Variants in STK3 observed in about 807,000 individuals in gnomAD.
STK3 encodes serine/threonine kinase 3.
Under a neutral mutation model 58.0 loss-of-function variants are expected in STK3, and 41 were observed. That is an observed-to-expected ratio of 0.71 (90% confidence interval 0.55 to 0.92). The LOEUF is 0.92. STK3 is among the 40% of genes least tolerant of loss of function. STK3 has a pLI of 0.00. For synonymous variants in STK3, 170 were observed against 191.0 expected (o/e 0.89, Z 0.91); for missense variants, 479 against 602.7 (o/e 0.79, Z 2.15).
chr8:98,794,644 G>A (rs981133061), intron 1 of STK3, among the ~76,000 whole-genome samples: 1 of 152,058 alleles, frequency 6.6e-6, no homozygotes, highest in Admixed American at 6.6e-5. Context: ...AATCAAGGAG[G>A]AACTCACTGC....
chr8:98,587,128 G>C (rs988865472), intron 7 of STK3, among the ~76,000 whole-genome samples: 4 of 151,818 alleles, frequency 2.6e-5, no homozygotes, highest in African/African-American at 7.3e-5. Context: ...GTTATTTCTT[G>C]CCTTCTGCTA....
intron 9 of STK3, among the ~76,000 whole-genome samples, chr8:98,529,152 T>G (rs1454337145): frequency 6.6e-6 from 1 of 152,204 alleles, no homozygotes; most frequent in East Asian, 1.9e-4. Flanking sequence ...AGCTTTAAGG[T>G]CATTTTGGTC....
At chr8:98,637,465 G>A (rs1251699017) in intron 6 of STK3, among the ~76,000 whole-genome samples, 1 of 152,164 alleles carries the variant, frequency 6.6e-6, no homozygotes, top group Admixed American at 6.6e-5. Context: ...AGGTCATACA[G>A]TGGCTACAGA....
chr8:98,839,527 T>C (rs1835883304), intron 3 of STK3, among the ~76,000 whole-genome samples: 1 of 152,222 alleles, frequency 6.6e-6, no homozygotes, highest in Non-Finnish European at 1.5e-5. Context: ...TAATGAAGTG[T>C]GGTCCCTAAC....
At chr8:98,727,695 G>A (rs1384688957) in intron 4 of STK3, among the ~76,000 whole-genome samples, 1 of 152,182 alleles carries the variant, frequency 6.6e-6, no homozygotes, top group Non-Finnish European at 1.5e-5. Context: ...ATAATTGGCG[G>A]AAAGAAAAGT....
At chr8:98,350,532 G>C in the STK3 span, among the ~76,000 whole-genome samples, 1 of 152,132 alleles carries the variant, frequency 6.6e-6, no homozygotes, top group Non-Finnish European at 1.5e-5. Flanking sequence ...CCAATTTACT[G>C]TATTAGTCAA....
intron 10 of STK3, among the ~76,000 whole-genome samples, chr8:98,467,881 C>A (rs1351162663): frequency 6.6e-6 from 1 of 152,164 alleles, no homozygotes; most frequent in Non-Finnish European, 1.5e-5. Flanking sequence ...TCACAATTTT[C>A]TGCTTCACTG....
At chr8:98,491,788 T>C (rs979836583) in intron 10 of STK3, among the ~76,000 whole-genome samples, 1 of 152,208 alleles carries the variant, frequency 6.6e-6, no homozygotes, top group Non-Finnish European at 1.5e-5. Context: ...AAATGGCATA[T>C]AAAGCCTTCT....
chr8:98,585,046 G>A (rs1392854541), intron 7 of STK3, among the ~76,000 whole-genome samples: 2 of 150,044 alleles, frequency 1.3e-5, no homozygotes, highest in African/African-American at 4.9e-5. Flanking sequence ...TCTGTAGGTT[G>A]CCTGTTCACT....
chr8:98,566,826 G>C (rs73275865), intron 8 of STK3, among the ~76,000 whole-genome samples: 2,666 of 152,100 alleles, frequency 0.018, 74 homozygotes, highest in African/African-American at 0.061. Context: ...AATCAAAAAG[G>C]AGAAAAAAGA....
intron 3 of STK3, among the ~76,000 whole-genome samples, chr8:98,860,858 C>T (rs1836907663): frequency 6.6e-6 from 1 of 152,064 alleles, no homozygotes; most frequent in Admixed American, 6.5e-5. Context: ...AGTTCGAGAA[C>T]AGCTTGAGCA....
chr8:98,451,060 C>G (rs567764640), downstream of STK3, among the ~76,000 whole-genome samples: 47 of 152,204 alleles, frequency 3.1e-4, no homozygotes, highest in African/African-American at 1.1e-3. Context: ...TATGCATCTT[C>G]TTGTGGAGGT....
chr8:98,743,633 T>C (rs970920197), intron 4 of STK3, among the ~76,000 whole-genome samples: 3 of 152,146 alleles, frequency 2.0e-5, no homozygotes, highest in Admixed American at 2.0e-4. Flanking sequence ...ATAACAACCC[T>C]AGAAGAAAAC....
At chr8:98,871,397 G>C (rs1345043280) in intron 3 of STK3, among the ~76,000 whole-genome samples, 2 of 152,192 alleles carry the variant, frequency 1.3e-5, no homozygotes, top group Non-Finnish European at 2.9e-5. Context: ...TTGGTAGCTT[G>C]ATGGGGATGG....
chr8:98,758,883 C>T (rs1392793936), intron 3 of STK3, among the ~76,000 whole-genome samples: 4 of 152,244 alleles, frequency 2.6e-5, no homozygotes, highest in African/African-American at 9.6e-5. Context: ...CATGAACCAA[C>T]CTCTGCTAGC....
chr8:98,894,658 T>G (rs1691080051), intron 1 of STK3, among the ~76,000 whole-genome samples: 1 of 152,248 alleles, frequency 6.6e-6, no homozygotes, highest in African/African-American at 2.4e-5. Flanking sequence ...GACAGAGACT[T>G]CTGTTCACAG....
chr8:98,730,569 A>G (rs1307846265), intron 4 of STK3, among the ~76,000 whole-genome samples: 3 of 152,038 alleles, frequency 2.0e-5, no homozygotes, highest in Non-Finnish European at 4.4e-5. Context: ...ATAGAAAATT[A>G]GCCAGGCATA....
chr8:98,903,044 C>A (rs939640253), intron 1 of STK3, among the ~76,000 whole-genome samples: 4 of 152,182 alleles, frequency 2.6e-5, no homozygotes, highest in Non-Finnish European at 4.4e-5. Context: ...CTGGCTTCTA[C>A]CGCCTCTTTA....
chr8:98,580,789 T>G (rs1477686181), intron 7 of STK3, among the ~76,000 whole-genome samples: 2 of 152,108 alleles, frequency 1.3e-5, no homozygotes, highest in African/African-American at 4.8e-5. Context: ...TGAGTTATTT[T>G]AATAAACTTC....
Sources: gnomAD v4.1 joint callset for allele counts (sites outside exome capture counted in the v4.1 genomes callset) on GRCh38, gnomAD v4.1.1 for gene constraint, MANE v1.5 for transcripts, NCBI Gene and HGNC (gene_info 2026-07-23, HGNC 2026-07-21) for gene names.